Variants in MLLT6 observed in about 807,000 individuals in gnomAD.
The protein encoded by MLLT6 is protein AF-17.
Under a neutral mutation model 103.0 loss-of-function variants are expected in MLLT6, and 22 were observed. That is an observed-to-expected ratio of 0.21 (90% confidence interval 0.15 to 0.31). MLLT6 has a LOEUF of 0.31. MLLT6 is among the 10% of genes least tolerant of loss of function. The probability of loss-of-function intolerance (pLI) is 1.00; values close to 1 mark genes in which losing one functional copy is unlikely to be tolerated. For missense variants in MLLT6, 1,199 were observed against 1,441.7 expected, an observed-to-expected ratio of 0.83 and a Z score of 2.73; for synonymous variants, 606 against 623.5, an observed-to-expected ratio of 0.97 and a Z score of 0.42.
rs1905416196 is a variant in MLLT6 at position 38,717,559 on chromosome 17, C to A, written c.1779C>A (p.Arg593=). The A allele has an allele frequency of 6.2e-7, 1 of 1,613,872 alleles. No homozygotes were observed. Among genetic ancestry groups the A allele is most frequent in the African/African-American group, 1.3e-5 (1 of 74,900 alleles). The change falls in exon 11 of 20, where the codon CGC becomes CGA. Residue 593 remains arginine (R), a synonymous_variant. Transcript: ENST00000621332. The part of the protein sequence containing the change: ...PGTSALPRLS[R]SPFTSTLPSS... ...CCTCGGCCCTGCCCCGCCTCAGCCGCTCCCCGTTCACCAGCACCCTCCCCT... is the reference window on the plus strand; with the variant it reads ...CCTCGGCCCTGCCCCGCCTCAGCCGATCCCCGTTCACCAGCACCCTCCCCT...
intron 8 of MLLT6, chr17:38,713,438 G>A (rs1313612736): frequency 4.4e-6 from 1 of 228,852 alleles, no homozygotes; most frequent in Non-Finnish European, 8.4e-6. Context: ...CCTCCCCATG[G>A]GAGGAGAACC....
At chr17:38,712,122 T>C in intron 7 of MLLT6, 108 bp downstream of exon 7, 1 of 1,374,174 alleles carries the variant, frequency 7.3e-7, no homozygotes. Flanking sequence ...GGCCCTGCCT[T>C]CTTCCTTCCT....
rs1372596484 is a variant in MLLT6 at position 38,726,506 on chromosome 17, T to C, written c.*908T>C. ...CAGAGAGGGGACCTCCCAGCTCTTA[T>C]TTGCACCCTCCCCACCTCACCAACT... On this transcript the variant is annotated 3_prime_UTR_variant, in exon 20 of 20. Transcript: ENST00000621332. 1 of 233,632 alleles carries C rather than the reference T, an allele frequency of 4.3e-6. No individual in the cohort carries two copies. Among genetic ancestry groups the C allele is most frequent in the Non-Finnish European group, 8.5e-6 (1 of 118,114 alleles). 14.5% of individuals were successfully genotyped at this position (233,632 alleles called of 1,614,324 possible).
rs912156267 is a variant in MLLT6, at chr17:38,724,632, G to C, written c.2896G>C (p.Val966Leu). The C allele has an allele frequency of 2.5e-6, 4 of 1,599,892 alleles. No homozygotes were observed. Among genetic ancestry groups the C allele is most frequent in the Non-Finnish European group, 3.4e-6 (4 of 1,171,042 alleles). ...GGCCCCCTTGCAGGAACACCAGACT[G>C]TTGTCTACCAGATGATCCAGCAGAT... is the stretch of plus-strand genomic sequence containing the variant. ...SPQLTPEHQT[V>L]VYQMIQQIQQ... The change falls in exon 19 of 20, where the codon GTT (valine) becomes CTT (leucine). Residue 966 changes from valine to leucine, a missense_variant. Physicochemically the swap from Val to Leu is conservative, Grantham distance 32. Coordinates refer to ENST00000621332, the MANE Select transcript of MLLT6 (RefSeq NM_005937.4). This position sits in a 1 kb window ranked among gnomAD's most constrained non-coding sequence, Gnocchi z 5.4.
At position 38,719,812 on chromosome 17, in the gene MLLT6, G is replaced by T. The variant is rs1175141675; in HGVS notation, c.2072G>T (p.Gly691Val). ...DQTASAPCGG[G>V]QLDPAAPGTT... ...ACAGCCTCTGCACCCTGTGGGGGCG[G>T]CCAGTTAGACCCGGCGGCCCCAGGG... Residue 691 changes from glycine to valine, a missense_variant, in exon 14 of 20, where the codon GGC becomes GTC. Coordinates refer to ENST00000621332, the MANE Select transcript of MLLT6 (RefSeq NM_005937.4). 1 of 1,613,310 alleles carries T rather than the reference G, an allele frequency of 6.2e-7. No homozygotes were observed. The highest frequency in any genetic ancestry group is 2.2e-5 in the East Asian group (1 of 44,876).
intron 6 of MLLT6, 123 bp from the exon 7 acceptor site, chr17:38,711,723 TC>T: frequency 4.1e-6 from 5 of 1,221,462 alleles, no homozygotes; most frequent in Non-Finnish European, 5.5e-6. Flanking sequence ...GGACATGAGG[TC>T]CTCTTAGTGA....
intron 14 of MLLT6, 56 bp from the exon 15 acceptor site, chr17:38,720,316 C>A: frequency 2.6e-6 from 2 of 761,390 alleles, no homozygotes; most frequent in South Asian, 1.7e-5. Context: ...CCCCCGGTCC[C>A]CTGGCCCCGC....
At chr17:38,715,181 C>A in intron 8 of MLLT6, 1 of 162,064 alleles carries the variant, frequency 6.2e-6, no homozygotes, top group Non-Finnish European at 1.4e-5. Context: ...TGGAGGGCTC[C>A]AGGATGGCAC....
intron 2 of MLLT6, 89 bp from the exon 3 acceptor site, chr17:38,707,397 T>C: frequency 7.7e-7 from 1 of 1,295,020 alleles, no homozygotes; most frequent in Non-Finnish European, 1.1e-6. Flanking sequence ...CCCTAGAGCT[T>C]AGCATTTCAG....
Position 38,709,332 on chromosome 17 carries a change from T to C in MLLT6, c.458+56T>C. Reference sequence around the variant, plus strand: ...CGGGTTTGTCCTGGATGGCCACTGATCAGGCTCATCCTAGCTGCTGTCCCT... The same window carrying C: ...CGGGTTTGTCCTGGATGGCCACTGACCAGGCTCATCCTAGCTGCTGTCCCT... On this transcript the variant is annotated intron_variant, in intron 5 of 19. Transcript: ENST00000621332. This position sits in a 1 kb window ranked among gnomAD's most constrained non-coding sequence, Gnocchi z 4.3. The C allele has an allele frequency of 2.7e-6, 4 of 1,468,224 alleles. No homozygotes were observed. The highest frequency in any genetic ancestry group is 9.5e-7 in the Non-Finnish European group (1 of 1,047,134). The allele number at this position is 1,468,224 out of a possible 1,614,324, so 90.9% of individuals were successfully genotyped here. A position where few individuals can be genotyped will look rare whatever the true frequency, so the allele number is the denominator to read the frequency against.
chr17:38,708,766 G>A (rs573437094), intron 4 of MLLT6, among the ~76,000 whole-genome samples: 2 of 152,224 alleles, frequency 1.3e-5, no homozygotes, highest in South Asian at 2.1e-4. Context: ...ATGGTGGTGG[G>A]CACCTGCAGT....
chr17:38,719,474 C>G (rs201118875), intron 12 of MLLT6, 43 bp from the exon 13 acceptor site: 89 of 1,541,900 alleles, frequency 5.8e-5, no homozygotes, highest in Non-Finnish European at 6.7e-5. Flanking sequence ...CCTGAGGCAG[C>G]TACCACTCCT....
intron 4 of MLLT6, among the ~76,000 whole-genome samples, chr17:38,708,519 C>T (rs924092784): frequency 6.6e-6 from 1 of 152,218 alleles, no homozygotes; most frequent in African/African-American, 2.4e-5. Flanking sequence ...AGACAAAGGC[C>T]TTGGCCTTTC....
chr17:38,722,871 T>C (rs73293277), intron 18 of MLLT6, 103 bp downstream of exon 18: 1 of 872,752 alleles, frequency 1.1e-6, no homozygotes, highest in Non-Finnish European at 1.9e-6. Context: ...GCAGGCAGAG[T>C]GAGGGGAAGC....
In MLLT6 at chr17:38,708,069, G is replaced by C. The variant is rs373640212; in HGVS notation, c.354+197G>C. ...CTCTGGCACTCAGGTGAAATAGTAG[G>C]CTCCCCTGCAGTAGTTCTGCCAGAG... On this transcript the variant is annotated intron_variant, in intron 4 of 19. Coordinates refer to ENST00000621332, the MANE Select transcript of MLLT6 (RefSeq NM_005937.4). 3 of 585,018 alleles carry C rather than the reference G, an allele frequency of 5.1e-6. No homozygotes were observed. In the East Asian group the frequency reaches 8.6e-5, roughly 17 times the overall value. 36.2% of individuals were successfully genotyped at this position (585,018 alleles called of 1,614,324 possible). A position where few individuals can be genotyped will look rare whatever the true frequency, so the allele number is the denominator to read the frequency against.
In MLLT6 at chr17:38,705,758, C is replaced by T; in HGVS notation, c.109+17C>T. On this transcript the variant is annotated intron_variant, in intron 1 of 19. Transcript: ENST00000621332. ...TCCACCAAGGTACGGGGGTGGCCCG[C>T]GGGGGGCGGCGGGACCCCGGGGGCG... 1 of 1,270,450 alleles carries T rather than the reference C, an allele frequency of 7.9e-7. No homozygotes were observed. Among genetic ancestry groups the T allele is most frequent in the African/African-American group, 1.6e-5 (1 of 63,958 alleles). The allele number at this position is 1,270,450 out of a possible 1,614,324, so 78.7% of individuals were successfully genotyped here.
chr17:38,705,687 G>A lies in MLLT6; in HGVS notation c.55G>A (p.Glu19Lys), dbSNP rs1452816617. 2 of 1,568,798 alleles carry A rather than the reference G, an allele frequency of 1.3e-6. No homozygotes were observed. The highest frequency in any genetic ancestry group is 1.8e-5 in the Admixed American group (1 of 56,794). Residue 19 changes from glutamate to lysine, a missense_variant, in exon 1 of 20, where the codon GAG becomes AAG. Glu to Lys is a moderately conservative substitution (Grantham distance 56). This residue lies in a region of MLLT6 where 24 missense variants were observed against 38.7 expected (regional missense o/e 0.62). Transcript: ENST00000621332. ...ATGTTCGGACGAGAGGGGCTGGGCC[G>A]AGAACCCGCTGGTCTACTGCGATGG... is the stretch of plus-strand genomic sequence containing the variant. ...CVCSDERGWA[E>K]NPLVYCDGHA...
At chr17:38,707,608 C>T (rs1179843141) in intron 3 of MLLT6, 68 bp downstream of exon 3, 5 of 1,534,874 alleles carry the variant, frequency 3.3e-6, no homozygotes, top group East Asian at 4.5e-5. Context: ...CAGGAATGGA[C>T]TGAGTTGGGG....
rs1905953017 is a variant in MLLT6, at chr17:38,725,066, A to AG, written c.3240+95dup. 48 of 1,000,480 alleles carry AG rather than the reference A, an allele frequency of 4.8e-5. No homozygotes were observed. The South Asian group carries it at 7.5e-4, about 16-fold the overall frequency. The allele number at this position is 1,000,480 out of a possible 1,614,324, so 62.0% of individuals were successfully genotyped here. On this transcript the variant is annotated intron_variant, in intron 19 of 19. Coordinates refer to ENST00000621332, the MANE Select transcript of MLLT6 (RefSeq NM_005937.4). ...AAGGCTTATCATCAGGTACCTCAGC[A>AG]GGGGGAAGGAAGCAACCCCTAGGTC...
Sources: gnomAD v4.1 joint callset for allele counts (sites outside exome capture counted in the v4.1 genomes callset) on GRCh38, gnomAD v4.1.1 for gene constraint, gnomAD v4.1.1 regional missense constraint, Gnocchi (gnomAD v3.1) non-coding constraint, MANE v1.5 for transcripts, NCBI Gene and HGNC (gene_info 2026-07-23, HGNC 2026-07-21) for gene names.